The following MAML3 variants were observed in gnomAD, a reference collection of about 807,000 sequenced individuals.
MAML3 encodes mastermind like transcriptional coactivator 3, also known as mastermind-like protein 3.
MAML3 carries 27 observed loss-of-function variants against 101.9 expected under a neutral mutation model. The ratio of observed to expected loss-of-function variants is 0.27; its 90% confidence interval spans 0.20 to 0.37. The LOEUF is 0.37. Ranked by LOEUF, MAML3 falls within the 10% of genes least tolerant of loss-of-function variation. MAML3 has a pLI of 1.00. For synonymous variants in MAML3, 501 were observed against 555.9 expected, an observed-to-expected ratio of 0.90 and a Z score of 1.39; for missense variants, 1,316 against 1,444.9, an observed-to-expected ratio of 0.91 and a Z score of 1.45.
intron 1 of MAML3, among the ~76,000 whole-genome samples, chr4:139,993,131 C>T (rs1734712674): frequency 6.6e-6 from 1 of 151,588 alleles, no homozygotes; most frequent in African/African-American, 2.4e-5. Context: ...GCGGGCAGAT[C>T]TCTTGAAGTC....
chr4:139,735,786 C>T lies in MAML3; in HGVS notation c.2080-5119G>A, dbSNP rs898515807. On this transcript the variant is annotated intron_variant, in intron 2 of 4. Transcript: ENST00000509479. The surrounding 1 kb of genome is among the most constrained non-coding windows in gnomAD (Gnocchi z 5.8). ...TGGGGCCCGTGCGTCCCCGGCAGGA[C>T]CTAGACTGCCTCTCGGCGCAGGCGG... Among the ~76,000 whole-genome samples, 2 of 152,130 alleles carry T rather than the reference C, an allele frequency of 1.3e-5. No homozygotes were observed. The highest frequency in any genetic ancestry group is 2.9e-5 in the Non-Finnish European group (2 of 68,008).
At chr4:139,943,587 T>C (rs1322309449) in intron 1 of MAML3, among the ~76,000 whole-genome samples, 6 of 152,184 alleles carry the variant, frequency 3.9e-5, no homozygotes, top group African/African-American at 7.2e-5. Context: ...ATCCAAGTGA[T>C]TGCATTCATA....
At chr4:139,724,489 A>G (rs1728385931) in intron 4 of MAML3, among the ~76,000 whole-genome samples, 1 of 152,202 alleles carries the variant, frequency 6.6e-6, no homozygotes, top group African/African-American at 2.4e-5. Context: ...CACCCAGTCT[A>G]TTGATAAAGT....
At chr4:140,081,839 G>C (rs1424741686) in intron 1 of MAML3, among the ~76,000 whole-genome samples, 1 of 152,168 alleles carries the variant, frequency 6.6e-6, no homozygotes, top group Non-Finnish European at 1.5e-5. Flanking sequence ...AATGTAGCTG[G>C]AGTTGTTTAT....
At chr4:139,904,197 G>T (rs1432691527) in intron 1 of MAML3, among the ~76,000 whole-genome samples, 2 of 152,170 alleles carry the variant, frequency 1.3e-5, no homozygotes, top group Non-Finnish European at 2.9e-5. Context: ...CCTTATGAGG[G>T]AATAAATTGC....
chr4:139,923,300 C>G (rs2111236586), intron 1 of MAML3, among the ~76,000 whole-genome samples: 1 of 152,356 alleles, frequency 6.6e-6, no homozygotes, highest in Admixed American at 6.5e-5. Flanking sequence ...CACTCTGCCC[C>G]CTTCCCTCTG....
intron 2 of MAML3, among the ~76,000 whole-genome samples, chr4:139,757,900 C>G (rs1458755362): frequency 6.6e-6 from 1 of 152,120 alleles, no homozygotes; most frequent in African/African-American, 2.4e-5. Context: ...ACCCAGGAAG[C>G]CCTCCCTGCC....
chr4:139,989,859 A>C, intron 1 of MAML3, among the ~76,000 whole-genome samples: 1 of 84,462 alleles, frequency 1.2e-5, no homozygotes, highest in African/African-American at 4.6e-5. Flanking sequence ...AAACACACAC[A>C]CACACACACA....
rs1284311309 is a variant in MAML3 at position 140,054,017 on chromosome 4, T to C, written c.468+98843A>G. Among the ~76,000 whole-genome samples the C allele has an allele frequency of 2.0e-5, 3 of 152,296 alleles. No homozygotes were observed. The East Asian group carries it at 5.8e-4, about 29-fold the overall frequency. ...AAAAGACAAGGTTTTTTCTCTTCAC[T>C]TTTAAATTAAGACATGTCTGTATTT... On this transcript the variant is annotated intron_variant, in intron 1 of 4. Transcript: ENST00000509479.
intron 1 of MAML3, among the ~76,000 whole-genome samples, chr4:140,136,877 C>T (rs1728896672): frequency 6.6e-6 from 1 of 152,244 alleles, no homozygotes; most frequent in Admixed American, 6.5e-5. Context: ...ATGTGAACAA[C>T]CTTAGGAAAT....
At chr4:139,983,148 G>A (rs1436312979) in intron 1 of MAML3, among the ~76,000 whole-genome samples, 1 of 152,044 alleles carries the variant, frequency 6.6e-6, no homozygotes, top group Non-Finnish European at 1.5e-5. Context: ...TACATTCTTT[G>A]TGCTGTAAAA....
intron 2 of MAML3, among the ~76,000 whole-genome samples, chr4:139,750,563 C>T (rs569764085): frequency 1.3e-5 from 2 of 152,278 alleles, no homozygotes; most frequent in African/African-American, 2.4e-5. Flanking sequence ...AACCATATTA[C>T]GCCACATGAT....
intron 1 of MAML3, among the ~76,000 whole-genome samples, chr4:140,049,872 C>T (rs1015618789): frequency 5.8e-5 from 8 of 138,672 alleles, no homozygotes; most frequent in East Asian, 3.9e-4. Context: ...CAATTGGCTA[C>T]GTAATCACAG....
intron 2 of MAML3, among the ~76,000 whole-genome samples, chr4:139,809,126 A>G (rs1320654991): frequency 1.3e-5 from 2 of 152,182 alleles, no homozygotes; most frequent in Non-Finnish European, 2.9e-5. Context: ...CTCTGCTGGA[A>G]TGTTATCAGG....
At chr4:140,112,788 C>CG (rs1728458016) in intron 1 of MAML3, among the ~76,000 whole-genome samples, 2 of 152,120 alleles carry the variant, frequency 1.3e-5, no homozygotes, top group African/African-American at 4.8e-5. Context: ...TTCCACTTGT[C>CG]GGGAAAATTG....
chr4:140,044,580 A>G (rs1578656909), intron 1 of MAML3, among the ~76,000 whole-genome samples: 1 of 152,166 alleles, frequency 6.6e-6, no homozygotes, highest in Non-Finnish European at 1.5e-5. Flanking sequence ...TTACAAACCA[A>G]TGTGCTACCA....
chr4:139,904,582 T>A (rs974521937), intron 1 of MAML3, among the ~76,000 whole-genome samples: 3 of 152,224 alleles, frequency 2.0e-5, no homozygotes, highest in Non-Finnish European at 2.9e-5. Context: ...GGCTTCCTGC[T>A]GGGGCTGACA....
At chr4:140,037,468 C>CT (rs1560873717) in intron 1 of MAML3, among the ~76,000 whole-genome samples, 1 of 152,136 alleles carries the variant, frequency 6.6e-6, no homozygotes, top group African/African-American at 2.4e-5. Flanking sequence ...ATATTATTTC[C>CT]TTTAAATAGC....
At chr4:139,736,126 T>A (rs569843655) in intron 2 of MAML3, among the ~76,000 whole-genome samples, 69 of 151,902 alleles carry the variant, frequency 4.5e-4, no homozygotes, top group Admixed American at 4.0e-3. Context: ...ACACACACAC[T>A]CACTCACTCA....
Sources: gnomAD v4.1 joint callset for allele counts (sites outside exome capture counted in the v4.1 genomes callset) on GRCh38, gnomAD v4.1.1 for gene constraint, Gnocchi (gnomAD v3.1) non-coding constraint, MANE v1.5 for transcripts, NCBI Gene and HGNC (gene_info 2026-07-23, HGNC 2026-07-21) for gene names.